Variants in GPBP1 observed in about 807,000 individuals in gnomAD.
GPBP1 encodes vasculin.
In GPBP1, 13 loss-of-function variants were observed where a neutral mutation model predicts 56.5. The observed-to-expected ratio is 0.23, with a 90% confidence interval of 0.15 to 0.37. GPBP1 has a LOEUF of 0.37. Among genes scored for constraint, GPBP1 ranks in the 10% least tolerant of loss-of-function variants. The pLI is 1.00. For missense variants in GPBP1, 477 were observed against 572.3 expected, an observed-to-expected ratio of 0.83 and a Z score of 1.70; for synonymous variants, 204 against 188.9, an observed-to-expected ratio of 1.08 and a Z score of -0.66.
intron 5 of GPBP1, among the ~76,000 whole-genome samples, chr5:57,232,806 G>A (rs1012042140): frequency 5.3e-5 from 8 of 152,142 alleles, no homozygotes; most frequent in African/African-American, 1.9e-4. Flanking sequence ...GCCTTGCCGA[G>A]GAAGTTAAAT....
In GPBP1 at chr5:57,262,737, TGAC is replaced by T. The variant is rs1296436826; in HGVS notation, c.1413_1415del (p.Asp472del). 1.2e-6 allele frequency: 2 copies of T among 1,613,390 alleles called. No homozygotes were observed. The highest frequency in any genetic ancestry group is 1.7e-6 in the Non-Finnish European group (2 of 1,179,548). The stretch of plus-strand genomic sequence containing the variant: ...AGACAAGTAGCAGTGATACATCAGA[TGAC>T]GACGATGTGTGAAGGATTTCCTAAC... On this transcript the variant is annotated inframe_deletion, in exon 12 of 12. Transcript: ENST00000506184.
intron 2 of GPBP1, among the ~76,000 whole-genome samples, chr5:57,200,431 G>A (rs1244812530): frequency 7.8e-6 from 1 of 128,312 alleles, no homozygotes; most frequent in East Asian, 2.3e-4. Context: ...GCAGTAGCAC[G>A]ATCTCGGCTC....
intron 10 of GPBP1, among the ~76,000 whole-genome samples, chr5:57,256,453 ACTTTT>A (rs973955059): frequency 2.6e-5 from 4 of 152,046 alleles, no homozygotes; most frequent in Non-Finnish European, 4.4e-5. Flanking sequence ...AACAGTGGAT[ACTTTT>A]CTTTTATATT....
At chr5:57,214,417 C>T (rs944395046) in intron 3 of GPBP1, among the ~76,000 whole-genome samples, 1 of 152,116 alleles carries the variant, frequency 6.6e-6, no homozygotes, top group East Asian at 1.9e-4. Flanking sequence ...GAAACCCTGT[C>T]TCTACTACAG....
Position 57,251,117 on chromosome 5 carries a change from C to T in GPBP1, c.1136C>T (p.Ser379Leu). ...ACCTTCCCACAAACTGATGTTCTTT[C>T]AAGTTCACTTGAGGCAGAACACAGG... is the stretch of plus-strand genomic sequence containing the variant. ...SSTFPQTDVL[S>L]SSLEAEHRLL... The change falls in exon 10 of 12, where the codon TCA becomes TTA. Residue 379 changes from serine to leucine, a missense_variant. By Grantham distance (145) the Ser-to-Leu change is moderately radical (BLOSUM62 -2). Coordinates refer to ENST00000506184, the MANE Select transcript of GPBP1 (RefSeq NM_022913.4). The T allele has an allele frequency of 1.2e-6, 2 of 1,609,746 alleles. No homozygotes were observed. The highest frequency in any genetic ancestry group is 1.7e-6 in the Non-Finnish European group (2 of 1,178,690).
chr5:57,258,928 A>T (rs1473290281), intron 10 of GPBP1, among the ~76,000 whole-genome samples: 1 of 152,254 alleles, frequency 6.6e-6, no homozygotes, highest in East Asian at 1.9e-4. Flanking sequence ...TTCAGTTTTT[A>T]AAAGTAAAAC....
rs547131747 is a variant in GPBP1 at position 57,248,451 on chromosome 5, G to A, written c.805-958G>A. Among the ~76,000 whole-genome samples, 11 of 135,052 alleles carry A rather than the reference G, an allele frequency of 8.1e-5. No homozygotes were observed. The East Asian group carries it at 2.4e-3, about 29-fold the overall frequency. The allele number at this position is 135,052 out of a possible 152,430, so 88.6% of individuals were successfully genotyped here. On this transcript the variant is annotated intron_variant, in intron 8 of 11. Transcript: ENST00000506184. ...TTTTTTTTTTTTTTTTTTTTGAGAC[G>A]GAGTCTCGCTCTGTCGCCCAGGCTG...
At chr5:57,201,416 C>T (rs968347044) in intron 2 of GPBP1, among the ~76,000 whole-genome samples, 2 of 152,130 alleles carry the variant, frequency 1.3e-5, no homozygotes, top group Non-Finnish European at 2.9e-5. Context: ...GATGATGTTT[C>T]ACTGTGTCAC....
chr5:57,203,655 G>C (rs2111709994), intron 2 of GPBP1, among the ~76,000 whole-genome samples: 1 of 152,162 alleles, frequency 6.6e-6, no homozygotes, highest in South Asian at 2.1e-4. Flanking sequence ...AAAGAAAAAA[G>C]AAAAAGAGCA....
chr5:57,177,595 T>G (rs906280214), intron 2 of GPBP1, among the ~76,000 whole-genome samples: 72 of 145,896 alleles, frequency 4.9e-4, no homozygotes, highest in Non-Finnish European at 8.1e-4. Context: ...TGCTTCAGCC[T>G]CCCAAGTAGC....
chr5:57,214,207 A>C lies in GPBP1; in HGVS notation c.63+14A>C. ...TCATCAACAAAGGTACTCTTTCTGC[A>C]TCTTTCTTTCTGTCTGCTTCTCTTG... On this transcript the variant is annotated intron_variant, in intron 3 of 11. Coordinates refer to ENST00000506184, the MANE Select transcript of GPBP1 (RefSeq NM_022913.4). The C allele has an allele frequency of 6.3e-7, 1 of 1,594,994 alleles. No individual in the cohort carries two copies. The highest frequency in any genetic ancestry group is 1.7e-5 in the Admixed American group (1 of 59,996).
rs2111987017 is a variant in GPBP1, at chr5:57,263,896, CCCCCATTTG to C, written c.*1146_*1154del. The C allele has an allele frequency of 6.6e-6, 1 of 152,090 alleles. No individual in the cohort carries two copies. The highest frequency in any genetic ancestry group is 2.1e-4 in the South Asian group (1 of 4,816). 9.4% of individuals were successfully genotyped at this position (152,090 alleles called of 1,614,324 possible). On this transcript the variant is annotated 3_prime_UTR_variant, in exon 12 of 12. Transcript: ENST00000506184. The stretch of plus-strand genomic sequence containing the variant: ...TATTTTGATTTTTCTGGTTTGTTTA[CCCCCATTTG>C]CTTTTAGCTCCCCCTTATGTTTAAA...
chr5:57,218,160 T>C (rs1580021143), intron 3 of GPBP1, among the ~76,000 whole-genome samples: 1 of 152,168 alleles, frequency 6.6e-6, no homozygotes, highest in African/African-American at 2.4e-5. Context: ...CTCAAAGCAG[T>C]TCTCCAGCAG....
Position 57,239,864 on chromosome 5 carries a change from T to C in GPBP1, c.478+3832T>C, listed in dbSNP as rs182434186. On this transcript the variant is annotated intron_variant, in intron 6 of 11. Coordinates refer to ENST00000506184, the MANE Select transcript of GPBP1 (RefSeq NM_022913.4). ...TAAACATTTTTTTTGGTATTAAAAC[T>C]AGTGTTCACAATAGAAATTTGTTTA... is the stretch of plus-strand genomic sequence containing the variant. Among the ~76,000 whole-genome samples the C allele has an allele frequency of 1.2e-4, 19 of 152,334 alleles. No homozygotes were observed. In the East Asian group the frequency reaches 3.7e-3, roughly 29 times the overall value.
intron 2 of GPBP1, among the ~76,000 whole-genome samples, chr5:57,178,928 T>A (rs773780753): frequency 2.6e-5 from 4 of 152,198 alleles, no homozygotes; most frequent in Non-Finnish European, 4.4e-5. Context: ...CATTTATAGA[T>A]GATGATGGTT....
rs746141728 is a variant in GPBP1 at position 57,264,168 on chromosome 5, A to C, written c.*1416A>C. ...TGGTGATGGGGAAATTAAAAACAAC[A>C]CACTAGCACACTCCCACAAAACTTG... On this transcript the variant is annotated 3_prime_UTR_variant, in exon 12 of 12. Transcript: ENST00000506184. 2.0e-5 allele frequency: 3 copies of C among 152,158 alleles called. No individual in the cohort carries two copies. Among genetic ancestry groups the C allele is most frequent in the Non-Finnish European group, 4.4e-5 (3 of 68,020 alleles). 9.4% of individuals were successfully genotyped at this position (152,158 alleles called of 1,614,324 possible).
Position 57,227,812 on chromosome 5 carries a change from T to G in GPBP1, c.64-3034T>G, listed in dbSNP as rs1378078258. On this transcript the variant is annotated intron_variant, in intron 3 of 11. Coordinates refer to ENST00000506184, the MANE Select transcript of GPBP1 (RefSeq NM_022913.4). ...ACAGTATCCAGGCTAGCTTGTTAGC[T>G]TGCACAGATGGTAACATCCCAGACT... 1.3e-5 allele frequency among the ~76,000 whole-genome samples: 2 copies of G among 152,170 alleles called. 1 individual carries two copies. The highest frequency in any genetic ancestry group is 1.3e-4 in the Admixed American group (2 of 15,270).
intron 2 of GPBP1, among the ~76,000 whole-genome samples, chr5:57,205,048 T>C (rs1755172420): frequency 6.6e-6 from 1 of 152,210 alleles, no homozygotes; most frequent in South Asian, 2.1e-4. Flanking sequence ...TCCACCTCTA[T>C]CAAGTTCCAG....
intron 2 of GPBP1, among the ~76,000 whole-genome samples, chr5:57,193,122 G>C (rs1474983874): frequency 1.3e-5 from 2 of 152,114 alleles, no homozygotes; most frequent in African/African-American, 4.8e-5. Flanking sequence ...TTGAAGACCA[G>C]CCTGGCCAAC....
Sources: gnomAD v4.1 joint callset for allele counts (sites outside exome capture counted in the v4.1 genomes callset) on GRCh38, gnomAD v4.1.1 for gene constraint, MANE v1.5 for transcripts, NCBI Gene and HGNC (gene_info 2026-07-23, HGNC 2026-07-21) for gene names.